GNG7: variants seen among roughly 807,000 people sequenced by gnomAD.
GNG7 encodes guanine nucleotide-binding protein G(I)/G(S)/G(O) subunit gamma-7.
Under a neutral mutation model 4.0 loss-of-function variants are expected in GNG7, and 1 was observed. The observed-to-expected ratio is 0.25, with a 90% CI of 0.09 to 1.18. The LOEUF (loss-of-function observed/expected upper bound fraction) is 1.18. Ranked by LOEUF, GNG7 falls within the 50% of genes most tolerant of loss-of-function variation. The pLI is 0.50. For synonymous variants in GNG7, 34 were observed against 36.9 expected (o/e 0.92, Z 0.29); for missense variants, 86 against 91.9 (o/e 0.94, Z 0.26).
chr19:2,619,443 G>GT (rs757825505), intron 2 of GNG7, among the ~76,000 whole-genome samples: 2 of 152,232 alleles, frequency 1.3e-5, no homozygotes, highest in East Asian at 3.8e-4. Flanking sequence ...CTCGCACATA[G>GT]TAAGTTCATA....
intron 1 of GNG7, among the ~76,000 whole-genome samples, chr19:2,673,298 C>A (rs115366550): frequency 0.026 from 3,786 of 145,204 alleles, 171 homozygotes; most frequent in African/African-American, 0.091. Context: ...CAAAAAAAAA[C>A]CCAGCAGGTC....
rs116662077 is a variant in GNG7, at chr19:2,650,682, C to T, written c.-134-4402G>A. 8.6e-3 allele frequency among the ~76,000 whole-genome samples: 1,315 copies of T among 152,312 alleles called. 21 individuals carry two copies. The highest frequency in any genetic ancestry group is 0.03 in the African/African-American group (1,246 of 41,570). ...AGAGGCGAGCACAGCGTGGGTGAAG[C>T]CGCATCCCAGCCGCTCTGTCCTCGG... On this transcript the variant is annotated intron_variant, in intron 1 of 4. Coordinates refer to ENST00000382159, the MANE Select transcript of GNG7 (RefSeq NM_052847.3).
rs141839845 is a variant in GNG7, at chr19:2,570,534, G to A, written c.-77-15346C>T. On this transcript the variant is annotated intron_variant, in intron 2 of 4. Transcript: ENST00000382159. ...ACCTCAGCTCTTCCATCTGTAAAATGGGCATCTCCACACCCACTTAGCCGA... is the reference window on the plus strand; with the variant it reads ...ACCTCAGCTCTTCCATCTGTAAAATAGGCATCTCCACACCCACTTAGCCGA... Among the ~76,000 whole-genome samples the A allele has an allele frequency of 2.4e-3, 367 of 152,200 alleles. 2 individuals are homozygous for A. Among genetic ancestry groups the A allele is most frequent in the Non-Finnish European group, 4.5e-3 (306 of 68,004 alleles).
At chr19:2,563,785 G>A (rs1410125505) in intron 2 of GNG7, among the ~76,000 whole-genome samples, 1 of 152,100 alleles carries the variant, frequency 6.6e-6, no homozygotes. Context: ...CCCGGCCCAG[G>A]TCACACCTTT....
At chr19:2,680,483 T>A (rs1983703934) in intron 1 of GNG7, among the ~76,000 whole-genome samples, 1 of 152,092 alleles carries the variant, frequency 6.6e-6, no homozygotes, top group Non-Finnish European at 1.5e-5. Context: ...TTAAAACATT[T>A]TAAAATTAAA....
chr19:2,599,936 CA>C (rs529339667), intron 2 of GNG7, among the ~76,000 whole-genome samples: 1,410 of 112,014 alleles, frequency 0.013, 14 homozygotes, highest in African/African-American at 0.039. Flanking sequence ...GACTCCATCT[CA>C]AAAAAAAAAA....
At chr19:2,596,674 C>CCA (rs1456076300) in intron 2 of GNG7, among the ~76,000 whole-genome samples, 50 of 148,770 alleles carry the variant, frequency 3.4e-4, no homozygotes, top group African/African-American at 1.2e-3. Flanking sequence ...GTCCCCCCCC[C>CCA]AAAAAAAAAA....
chr19:2,657,399 TACAC>T (rs60342985), intron 1 of GNG7, among the ~76,000 whole-genome samples: 2 of 80,734 alleles, frequency 2.5e-5, no homozygotes, highest in African/African-American at 6.2e-5. Context: ...TATATATATA[TACAC>T]ATAATAACAT....
rs1400159741 is a variant in GNG7 at position 2,560,950 on chromosome 19, G to C, written c.-77-5762C>G. Reference sequence around the variant, plus strand: ...CCAGCCTGGGCGACAGAAGGAGACTGTTTCAAAAAAAAAAAAAAAAAAATT... The same window carrying C: ...CCAGCCTGGGCGACAGAAGGAGACTCTTTCAAAAAAAAAAAAAAAAAAATT... On this transcript the variant is annotated intron_variant, in intron 2 of 4. Transcript: ENST00000382159. 4.1e-5 allele frequency among the ~76,000 whole-genome samples: 3 copies of C among 73,680 alleles called. No homozygotes were observed. In the East Asian group the frequency reaches 1.1e-3, roughly 27 times the overall value. 48.3% of individuals were successfully genotyped at this position (73,680 alleles called of 152,430 possible).
At chr19:2,520,328 C>T (rs1472955421) in intron 4 of GNG7, among the ~76,000 whole-genome samples, 3 of 152,198 alleles carry the variant, frequency 2.0e-5, no homozygotes, top group Non-Finnish European at 4.4e-5. Context: ...CAGATGAGGA[C>T]GACAAAGCGC....
rs5826778 is a variant in GNG7, at chr19:2,659,610, A to AAAAAAAAAAAAAAG, written c.-134-13331_-134-13330insCTTTTTTTTTTTTT. ...TCCATCTTAAAAAAAAAAAAAAAAAAAGAGAGGAGGGGAGGGAAAGAGGGA... is the reference window on the plus strand; with the variant it reads ...TCCATCTTAAAAAAAAAAAAAAAAAAAAAAAAAAAAAAAGAGAGAGGAGGGGAGGGAAAGAGGGA... On this transcript the variant is annotated intron_variant, in intron 1 of 4. Transcript: ENST00000382159. Among the ~76,000 whole-genome samples, 234 of 121,446 alleles carry AAAAAAAAAAAAAAG rather than the reference A, an allele frequency of 1.9e-3. 11 individuals are homozygous for AAAAAAAAAAAAAAG. The highest frequency in any genetic ancestry group is 7.4e-3 in the African/African-American group (225 of 30,574). 79.7% of individuals were successfully genotyped at this position (121,446 alleles called of 152,430 possible).
intron 2 of GNG7, among the ~76,000 whole-genome samples, chr19:2,644,315 C>G (rs1982598901): frequency 1.2e-5 from 1 of 85,146 alleles, no homozygotes; most frequent in Non-Finnish European, 2.6e-5. Flanking sequence ...GCCACTGCAC[C>G]CGGCCTACAC....
chr19:2,533,506 C>G (rs1978655719), intron 3 of GNG7, among the ~76,000 whole-genome samples: 2 of 152,186 alleles, frequency 1.3e-5, no homozygotes, highest in East Asian at 3.9e-4. Context: ...TACACATTTG[C>G]TAAAATCCAT....
chr19:2,658,628 T>A (rs1002545325), intron 1 of GNG7, among the ~76,000 whole-genome samples: 2 of 152,044 alleles, frequency 1.3e-5, no homozygotes, highest in Non-Finnish European at 2.9e-5. Flanking sequence ...TGGATGAACT[T>A]TGAGGGCATC....
intron 1 of GNG7, among the ~76,000 whole-genome samples, chr19:2,659,207 G>A (rs1359830469): frequency 6.6e-6 from 1 of 151,658 alleles, no homozygotes; most frequent in Non-Finnish European, 1.5e-5. Flanking sequence ...CTGACCTCGT[G>A]ATCCGCCCAC....
chr19:2,689,990 T>A (rs748105712), intron 1 of GNG7, among the ~76,000 whole-genome samples: 1 of 152,208 alleles, frequency 6.6e-6, no homozygotes, highest in African/African-American at 2.4e-5. Context: ...GAATGCCATA[T>A]AATTGTCATG....
chr19:2,577,700 CAAAAAAAAAAA>C (rs58623953), intron 2 of GNG7, among the ~76,000 whole-genome samples: 1 of 108,402 alleles, frequency 9.2e-6, no homozygotes, highest in African/African-American at 3.6e-5. Flanking sequence ...GATTCCATCT[CAAAAAAAAAAA>C]AAAAAAAAAA....
intron 2 of GNG7, among the ~76,000 whole-genome samples, chr19:2,566,666 G>A (rs1351424759): frequency 1.3e-5 from 2 of 152,128 alleles, no homozygotes; most frequent in African/African-American, 4.8e-5. Context: ...TCCTGTAAAA[G>A]GCCAGAGAGC....
At chr19:2,627,538 C>T (rs1365900361) in intron 2 of GNG7, among the ~76,000 whole-genome samples, 1 of 152,240 alleles carries the variant, frequency 6.6e-6, no homozygotes, top group African/African-American at 2.4e-5. Flanking sequence ...CCAGGCGTGC[C>T]AGCCAGACCT....
Sources: allele counts gnomAD v4.1 joint callset (sites outside exome capture counted in the v4.1 genomes callset), GRCh38; gene constraint gnomAD v4.1.1; transcripts MANE v1.5; gene names NCBI Gene and HGNC (gene_info 2026-07-23, HGNC 2026-07-21).